Variants in ADAM10 observed in about 807,000 individuals in gnomAD.
ADAM10 encodes the protein disintegrin and metalloproteinase domain-containing protein 10.
Under a neutral mutation model 90.1 loss-of-function variants are expected in ADAM10, and 17 were observed. The observed-to-expected ratio is 0.19, with a 90% CI of 0.13 to 0.28. ADAM10 has a LOEUF of 0.28. Ranked by LOEUF, ADAM10 falls within the 10% of genes least tolerant of loss-of-function variation. The pLI is 1.00. For missense variants in ADAM10, 610 were observed against 914.3 expected (o/e 0.67, Z 4.29); for synonymous variants, 310 against 298.6 (o/e 1.04, Z -0.40).
intron 2 of ADAM10, among the ~76,000 whole-genome samples, chr15:58,682,993 T>C (rs982315275): frequency 5.9e-5 from 9 of 152,244 alleles, no homozygotes; most frequent in Non-Finnish European, 1.0e-4. Context: ...TAGAATCGAA[T>C]TGGAATCAAA....
intron 6 of ADAM10, 77 bp downstream of exon 6, chr15:58,645,978 A>C (rs1896536727): frequency 6.6e-7 from 1 of 1,512,958 alleles, no homozygotes; most frequent in Non-Finnish European, 9.1e-7. Context: ...GAATACACTA[A>C]CTTAAATTTT....
chr15:58,672,681 G>C (rs752775470), intron 4 of ADAM10: 4 of 150,926 alleles, frequency 2.7e-5, no homozygotes, highest in Non-Finnish European at 1.5e-5. Context: ...GAAAGATGTG[G>C]ATATGGTGCA....
At chr15:58,715,161 C>T (rs1369577586) in intron 2 of ADAM10, among the ~76,000 whole-genome samples, 1 of 152,064 alleles carries the variant, frequency 6.6e-6, no homozygotes, top group South Asian at 2.1e-4. Context: ...GTGGCTCATG[C>T]CTGTAATCCC....
chr15:58,644,197 A>G (rs1346919596), intron 6 of ADAM10, among the ~76,000 whole-genome samples: 1 of 149,608 alleles, frequency 6.7e-6, no homozygotes, highest in Non-Finnish European at 1.5e-5. Flanking sequence ...AACAATAAAC[A>G]TGCATACTTC....
At chr15:58,679,064 A>G in intron 4 of ADAM10, 60 bp downstream of exon 4, 1 of 1,495,580 alleles carries the variant, frequency 6.7e-7, no homozygotes, top group Non-Finnish European at 9.2e-7. Context: ...TTGTCTCCAC[A>G]CAGTTTTAAC....
At chr15:58,598,576 T>G (rs756573010) in intron 15 of ADAM10, among the ~76,000 whole-genome samples, 3 of 152,192 alleles carry the variant, frequency 2.0e-5, no homozygotes, top group Non-Finnish European at 2.9e-5. Flanking sequence ...GGTAGTGGAT[T>G]TGCCTGAGGC....
In ADAM10 at chr15:58,743,484, T is replaced by C. The variant is rs945288469; in HGVS notation, c.55+5996A>G. On this transcript the variant is annotated intron_variant, in intron 1 of 15. Transcript: ENST00000260408. Reference sequence around the variant, plus strand: ...AAGACAGACAAGAAATTTAACTTTATACAAATGTAAAAATCACCAAAATGG... The same window carrying C: ...AAGACAGACAAGAAATTTAACTTTACACAAATGTAAAAATCACCAAAATGG... Among the ~76,000 whole-genome samples, 8 of 152,334 alleles carry C rather than the reference T, an allele frequency of 5.3e-5. No homozygotes were observed. In the South Asian group the frequency reaches 1.0e-3, roughly 20 times the overall value.
chr15:58,737,257 A>G (rs572805548), intron 1 of ADAM10, among the ~76,000 whole-genome samples: 1 of 152,274 alleles, frequency 6.6e-6, no homozygotes, highest in East Asian at 1.9e-4. Context: ...AAAAATGATT[A>G]CATATATATT....
At chr15:58,692,668 TC>T (rs1338835016) in intron 2 of ADAM10, 1 of 561,390 alleles carries the variant, frequency 1.8e-6, no homozygotes, top group Non-Finnish European at 3.6e-6. Flanking sequence ...CACTTTGGTA[TC>T]CCTGTCAATG....
At chr15:58,652,615 T>G (rs562234304) in intron 5 of ADAM10, among the ~76,000 whole-genome samples, 5 of 152,190 alleles carry the variant, frequency 3.3e-5, no homozygotes, top group Non-Finnish European at 7.4e-5. Flanking sequence ...TTCATGCCAG[T>G]ACCATGTTGT....
At chr15:58,708,025 G>C (rs1898358721) in intron 2 of ADAM10, among the ~76,000 whole-genome samples, 1 of 151,724 alleles carries the variant, frequency 6.6e-6, no homozygotes, top group Non-Finnish European at 1.5e-5. Flanking sequence ...TGCAATGAGT[G>C]AAGATCGCGC....
chr15:58,736,451 G>A (rs538587241), intron 1 of ADAM10, among the ~76,000 whole-genome samples: 60 of 151,826 alleles, frequency 4.0e-4, no homozygotes, highest in African/African-American at 1.4e-3. Context: ...CAGTCACATG[G>A]CACCTAATAC....
At chr15:58,728,493 C>T (rs1899116834) in intron 1 of ADAM10, among the ~76,000 whole-genome samples, 1 of 151,240 alleles carries the variant, frequency 6.6e-6, no homozygotes, top group Admixed American at 6.6e-5. Context: ...CCTATAAGCC[C>T]AGCATTTTGG....
intron 8 of ADAM10, among the ~76,000 whole-genome samples, 200 bp downstream of exon 8, chr15:58,640,577 T>G (rs967488548): frequency 6.6e-6 from 1 of 152,238 alleles, no homozygotes; most frequent in African/African-American, 2.4e-5. Flanking sequence ...GATATTTCCC[T>G]GTATGCGTTT....
chr15:58,736,961 A>T (rs953364738), intron 1 of ADAM10, among the ~76,000 whole-genome samples: 9 of 151,876 alleles, frequency 5.9e-5, no homozygotes, highest in Non-Finnish European at 1.0e-4. Context: ...GTTTTTTTTT[A>T]AGGGGGAAGA....
intron 14 of ADAM10, among the ~76,000 whole-genome samples, chr15:58,606,150 C>T (rs760804573): frequency 3.5e-4 from 53 of 152,170 alleles, no homozygotes; most frequent in Non-Finnish European, 6.8e-4. Context: ...CCATGTGGGG[C>T]CCAGAGCTCC....
intron 8 of ADAM10, among the ~76,000 whole-genome samples, chr15:58,634,394 T>C (rs1896192385): frequency 6.6e-6 from 1 of 152,122 alleles, no homozygotes; most frequent in East Asian, 1.9e-4. Flanking sequence ...AACTGAATTA[T>C]GATTGTTCCA....
At chr15:58,736,522 T>C (rs1345746437) in intron 1 of ADAM10, among the ~76,000 whole-genome samples, 3 of 152,178 alleles carry the variant, frequency 2.0e-5, no homozygotes, top group Non-Finnish European at 4.4e-5. Context: ...TCCTTAGTTA[T>C]GTAGCAGAAT....
intron 4 of ADAM10, among the ~76,000 whole-genome samples, chr15:58,672,045 TACTC>T (rs1173123503): frequency 7.6e-6 from 1 of 132,044 alleles, no homozygotes; most frequent in Non-Finnish European, 1.5e-5. Context: ...TAAAATTCCT[TACTC>T]AATTTATTTG....
Sources: gnomAD v4.1 joint callset for allele counts (sites outside exome capture counted in the v4.1 genomes callset) on GRCh38, gnomAD v4.1.1 for gene constraint, MANE v1.5 for transcripts, NCBI Gene and HGNC (gene_info 2026-07-23, HGNC 2026-07-21) for gene names.